Variants in LRRC8C observed in about 807,000 individuals in gnomAD.
The protein encoded by LRRC8C is leucine rich repeat containing 8 VRAC subunit C, also known as volume-regulated anion channel subunit LRRC8C.
In LRRC8C, 20 loss-of-function variants were observed where a neutral mutation model predicts 55.3. The ratio of observed to expected loss-of-function variants is 0.36; its 90% CI spans 0.25 to 0.53. The LOEUF is 0.53. LRRC8C is among the 20% of genes least tolerant of loss of function. The pLI is 0.92. For missense variants in LRRC8C, 659 were observed against 951.4 expected (o/e 0.69, Z 4.04); for synonymous variants, 376 against 360.7 (o/e 1.04, Z -0.48).
At chr1:89,633,063 G>A (rs992272310), upstream of LRRC8C, 8 of 152,104 alleles carry the variant, frequency 5.3e-5, no homozygotes, top group Admixed American at 2.0e-4. Context: ...CGGCGCTGGA[G>A]GCGGCTCCGT....
chr1:89,643,408 T>C (rs1205927581), intron 1 of LRRC8C, among the ~76,000 whole-genome samples: 1 of 152,230 alleles, frequency 6.6e-6, no homozygotes, highest in African/African-American at 2.4e-5. Flanking sequence ...AATGAACCTA[T>C]ACAAATAGCT....
intron 1 of LRRC8C, among the ~76,000 whole-genome samples, chr1:89,647,037 A>G (rs1282992347): frequency 1.3e-5 from 2 of 152,320 alleles, no homozygotes; most frequent in African/African-American, 2.4e-5. Context: ...ATAACATAAC[A>G]TTAATAATAT....
At chr1:89,701,204 C>T (rs564788061) in intron 2 of LRRC8C, among the ~76,000 whole-genome samples, 26 of 151,900 alleles carry the variant, frequency 1.7e-4, no homozygotes, top group African/African-American at 5.1e-4. Context: ...GGGCCAGGCG[C>T]GGTGGCTCAT....
At chr1:89,623,425 T>C in the LRRC8C span, among the ~76,000 whole-genome samples, 2 of 152,074 alleles carry the variant, frequency 1.3e-5, no homozygotes, top group African/African-American at 4.8e-5. Context: ...AAGGCTATCA[T>C]AAATGCCACA....
At chr1:89,633,479 G>C (rs953988199) in intron 1 of LRRC8C, among the ~76,000 whole-genome samples, 157 bp downstream of exon 1, 7 of 152,330 alleles carry the variant, frequency 4.6e-5, no homozygotes, top group Non-Finnish European at 1.0e-4. Context: ...TGCCCGCCCG[G>C]CGTGTGGTGC....
At chr1:89,712,067 T>C (rs1159535615) in intron 2 of LRRC8C, among the ~76,000 whole-genome samples, 1 of 152,234 alleles carries the variant, frequency 6.6e-6, no homozygotes. Context: ...GAAGATGATA[T>C]ACTTCCCAGA....
At chr1:89,631,697 A>C (rs1427096938), upstream of LRRC8C, 1 of 151,924 alleles carries the variant, frequency 6.6e-6, no homozygotes, top group Non-Finnish European at 1.5e-5. Context: ...GTAAGCCCGG[A>C]CCTAAATTTT....
At chr1:89,705,069 T>C (rs1306353595) in intron 2 of LRRC8C, among the ~76,000 whole-genome samples, 1 of 151,854 alleles carries the variant, frequency 6.6e-6, no homozygotes, top group South Asian at 2.1e-4. Flanking sequence ...GTGGCACATA[T>C]ACACCATGGA....
At chr1:89,654,041 A>G (rs1656866387) in intron 1 of LRRC8C, among the ~76,000 whole-genome samples, 1 of 152,224 alleles carries the variant, frequency 6.6e-6, no homozygotes, top group Non-Finnish European at 1.5e-5. Context: ...ACAATGGAAT[A>G]TTATTCAATA....
intron 2 of LRRC8C, among the ~76,000 whole-genome samples, chr1:89,710,049 C>A (rs1230503972): frequency 6.6e-6 from 1 of 152,204 alleles, no homozygotes; most frequent in Non-Finnish European, 1.5e-5. Flanking sequence ...CGGCACCCAG[C>A]CTGTATTTTC....
At chr1:89,678,488 G>A (rs1236886250) in intron 1 of LRRC8C, among the ~76,000 whole-genome samples, 1 of 152,082 alleles carries the variant, frequency 6.6e-6, no homozygotes, top group African/African-American at 2.4e-5. Context: ...ATCACCTGAG[G>A]TCAGGAGTTC....
chr1:89,697,775 C>T (rs1247103217), intron 2 of LRRC8C, among the ~76,000 whole-genome samples: 2 of 152,082 alleles, frequency 1.3e-5, no homozygotes, highest in African/African-American at 4.8e-5. Context: ...CCACCCCCTT[C>T]ATTTCTGAAA....
chr1:89,674,610 G>A (rs1657506671), intron 1 of LRRC8C, among the ~76,000 whole-genome samples: 2 of 152,084 alleles, frequency 1.3e-5, no homozygotes, highest in African/African-American at 4.8e-5. Flanking sequence ...CATTTTTCCT[G>A]GAGGCTGGAG....
chr1:89,668,232 C>T (rs915320701), intron 1 of LRRC8C: 3 of 152,524 alleles, frequency 2.0e-5, no homozygotes, highest in African/African-American at 4.8e-5. Flanking sequence ...CATACAGATC[C>T]CCCTAAAGGA....
intron 1 of LRRC8C, among the ~76,000 whole-genome samples, chr1:89,683,829 T>C (rs1657793786): frequency 6.6e-6 from 1 of 152,180 alleles, no homozygotes; most frequent in African/African-American, 2.4e-5. Flanking sequence ...CCATGTTTGG[T>C]CCATACATTT....
At chr1:89,653,750 T>G (rs575721458) in intron 1 of LRRC8C, among the ~76,000 whole-genome samples, 81 of 152,214 alleles carry the variant, frequency 5.3e-4, no homozygotes, top group Non-Finnish European at 1.1e-3. Flanking sequence ...CTCCAAGGTT[T>G]TGACCCAGAG....
At chr1:89,673,255 G>T (rs898324660) in intron 1 of LRRC8C, among the ~76,000 whole-genome samples, 2 of 152,004 alleles carry the variant, frequency 1.3e-5, no homozygotes, top group African/African-American at 2.4e-5. Context: ...TCAAGCACCC[G>T]CAATCCGCCT....
the LRRC8C span, among the ~76,000 whole-genome samples, chr1:89,616,663 T>C: frequency 6.6e-6 from 1 of 152,222 alleles, no homozygotes; most frequent in South Asian, 2.1e-4. Context: ...CAACCTTTCT[T>C]GGCTTTATTA....
intron 1 of LRRC8C, among the ~76,000 whole-genome samples, chr1:89,655,418 T>TAA (rs1656915680): frequency 6.6e-6 from 1 of 152,228 alleles, no homozygotes; most frequent in African/African-American, 2.4e-5. Context: ...TTGTCTTATT[T>TAA]ATATCTGTCT....
Sources: allele counts gnomAD v4.1 joint callset (sites outside exome capture counted in the v4.1 genomes callset), GRCh38; gene constraint gnomAD v4.1.1; transcripts MANE v1.5; gene names NCBI Gene and HGNC (gene_info 2026-07-23, HGNC 2026-07-21).